Variants in HHAT observed in about 807,000 individuals in gnomAD.
The protein encoded by HHAT is hedgehog acyltransferase.
HHAT carries 47 observed loss-of-function variants against 70.8 expected under a neutral mutation model. The ratio of observed to expected loss-of-function variants is 0.66; its 90% confidence interval spans 0.53 to 0.85. The LOEUF (loss-of-function observed/expected upper bound fraction) is 0.85. Among genes scored for constraint, HHAT ranks in the 40% least tolerant of loss-of-function variants. HHAT has a pLI of 0.00. For synonymous variants in HHAT, 228 were observed against 247.6 expected (o/e 0.92, Z 0.74); for missense variants, 609 against 604.8 (o/e 1.01, Z -0.07).
chr1:210,534,111 C>T (rs11119530), intron 9 of HHAT, among the ~76,000 whole-genome samples: 28,571 of 152,024 alleles, frequency 0.19, 3,294 homozygotes, highest in Middle Eastern at 0.29. Context: ...GTAATTGTAC[C>T]TTCCCGCCCC....
intron 9 of HHAT, among the ~76,000 whole-genome samples, chr1:210,518,590 T>A (rs1336346686): frequency 1.3e-5 from 2 of 152,138 alleles, no homozygotes; most frequent in African/African-American, 4.8e-5. Flanking sequence ...GCCAGGAGTT[T>A]GAGACCAGCC....
chr1:210,350,281 G>C (rs1056656618), intron 2 of HHAT, among the ~76,000 whole-genome samples: 4 of 152,164 alleles, frequency 2.6e-5, no homozygotes, highest in Middle Eastern at 3.2e-3. Flanking sequence ...GCAGCAAATG[G>C]ACTAATAAAC....
intron 9 of HHAT, among the ~76,000 whole-genome samples, chr1:210,569,397 A>AAAAAAAAAAAAAAAAAAAC (rs1655657571): frequency 1.3e-5 from 2 of 148,396 alleles, no homozygotes; most frequent in Non-Finnish European, 1.5e-5. Flanking sequence ...AAAAAAAAAA[A>AAAAAAAAAAAAAAAAAAAC]AAGCGTATAG....
chr1:210,603,653 A>T (rs1208525775), intron 10 of HHAT, among the ~76,000 whole-genome samples: 1 of 152,198 alleles, frequency 6.6e-6, no homozygotes, highest in African/African-American at 2.4e-5. Context: ...GTATTTATAT[A>T]TGTACATATG....
chr1:210,332,435 G>A (rs2147903746), intron 1 of HHAT, among the ~76,000 whole-genome samples: 1 of 152,338 alleles, frequency 6.6e-6, no homozygotes, highest in East Asian at 1.9e-4. Context: ...AACCCAGATT[G>A]CGTACCGCAG....
At chr1:210,626,057 G>T (rs1459502461) in intron 11 of HHAT, among the ~76,000 whole-genome samples, 1 of 152,200 alleles carries the variant, frequency 6.6e-6, no homozygotes, top group Non-Finnish European at 1.5e-5. Flanking sequence ...GGAGAAGATG[G>T]TGGGACCAGT....
At chr1:210,451,840 A>G (rs754676285) in intron 7 of HHAT, among the ~76,000 whole-genome samples, 24 of 152,178 alleles carry the variant, frequency 1.6e-4, no homozygotes, top group Non-Finnish European at 2.6e-4. Flanking sequence ...CAGCCTCCCA[A>G]AACATGATAT....
chr1:210,626,873 T>C (rs1669936024), intron 11 of HHAT, among the ~76,000 whole-genome samples: 1 of 152,194 alleles, frequency 6.6e-6, no homozygotes, highest in Non-Finnish European at 1.5e-5. Context: ...GTTAAGGGAT[T>C]GTCAAACTGT....
At chr1:210,584,030 G>A (rs187866260) in intron 9 of HHAT, among the ~76,000 whole-genome samples, 6 of 124,760 alleles carry the variant, frequency 4.8e-5, no homozygotes, top group East Asian at 2.6e-4. Context: ...TGCAACCTCC[G>A]CCTCCCAGGT....
intron 9 of HHAT, among the ~76,000 whole-genome samples, chr1:210,560,719 G>A (rs540366150): frequency 6.8e-6 from 1 of 146,796 alleles, no homozygotes; most frequent in East Asian, 2.0e-4. Context: ...TGAGGCAAGA[G>A]GATGGATCAC....
intron 7 of HHAT, among the ~76,000 whole-genome samples, chr1:210,425,092 A>ATGAGCAGT (rs2093022164): frequency 6.6e-6 from 1 of 152,170 alleles, no homozygotes; most frequent in Admixed American, 6.5e-5. Flanking sequence ...CATTTCTCTA[A>ATGAGCAGT]TGAGCAGTGA....
intron 7 of HHAT, among the ~76,000 whole-genome samples, chr1:210,423,217 C>T (rs945579734): frequency 2.0e-5 from 3 of 152,166 alleles, no homozygotes; most frequent in Non-Finnish European, 2.9e-5. Context: ...TTCTCTTCAT[C>T]CTCATCACCA....
chr1:210,418,901 GAGAC>G (rs1445353949), intron 7 of HHAT, among the ~76,000 whole-genome samples: 3 of 152,004 alleles, frequency 2.0e-5, no homozygotes, highest in African/African-American at 7.3e-5. Flanking sequence ...GGTGTGGTGA[GAGAC>G]ACCTGTAATC....
chr1:210,643,425 T>C (rs569583537), intron 11 of HHAT, among the ~76,000 whole-genome samples: 5 of 152,342 alleles, frequency 3.3e-5, no homozygotes, highest in South Asian at 2.1e-4. Flanking sequence ...ATAAAACTCA[T>C]AGTCAGTGTT....
At chr1:210,398,845 G>A (rs1225716937) in intron 4 of HHAT, among the ~76,000 whole-genome samples, 1 of 152,158 alleles carries the variant, frequency 6.6e-6, no homozygotes, top group Non-Finnish European at 1.5e-5. Flanking sequence ...GCAAATTTAT[G>A]TGGCTGTTTT....
intron 1 of HHAT, among the ~76,000 whole-genome samples, chr1:210,334,178 ATTT>A (rs3033354): frequency 0.011 from 1,116 of 99,976 alleles, 160 homozygotes; most frequent in African/African-American, 0.039. Flanking sequence ...TTAGCGTGTC[ATTT>A]TTTTTTTTTT....
At position 210,328,931 on chromosome 1, in the gene HHAT, ACGCGCGCTGCGCTGCTCCTCC is replaced by A; in HGVS notation, c.-216_-196del. 9.7e-7 allele frequency: 1 copy of A among 1,029,716 alleles called. No homozygotes were observed. Among genetic ancestry groups the A allele is most frequent in the Non-Finnish European group, 1.3e-6 (1 of 797,288 alleles). 63.8% of individuals were successfully genotyped at this position (1,029,716 alleles called of 1,614,324 possible). A position where few individuals can be genotyped will look rare whatever the true frequency, so the allele number is the denominator to read the frequency against. Reference sequence around the variant, plus strand: ...ACGGCGGCAGGGGCGTGCTCGGAGGACGCGCGCTGCGCTGCTCCTCCAAAGGGCAGCTCCGGGGGAAAGAGG... The same window carrying A: ...ACGGCGGCAGGGGCGTGCTCGGAGGAAAAGGGCAGCTCCGGGGGAAAGAGG... On this transcript the variant is annotated 5_prime_UTR_variant, in exon 1 of 12. Transcript: ENST00000261458.
At chr1:210,354,676 C>A (rs2087429888) in intron 2 of HHAT, among the ~76,000 whole-genome samples, 1 of 152,022 alleles carries the variant, frequency 6.6e-6, no homozygotes, top group Admixed American at 6.5e-5. Flanking sequence ...ATATTAAATT[C>A]TTATATTCTG....
chr1:210,527,588 C>A (rs1272125504), intron 9 of HHAT, among the ~76,000 whole-genome samples: 2 of 152,078 alleles, frequency 1.3e-5, no homozygotes, highest in Non-Finnish European at 2.9e-5. Flanking sequence ...GTGGCAACAC[C>A]TTTAAAAAAA....
Sources: gnomAD v4.1 joint callset for allele counts (sites outside exome capture counted in the v4.1 genomes callset) on GRCh38, gnomAD v4.1.1 for gene constraint, MANE v1.5 for transcripts, NCBI Gene and HGNC (gene_info 2026-07-23, HGNC 2026-07-21) for gene names.